Variants in KCNA2 observed in about 807,000 individuals in gnomAD.
The protein encoded by KCNA2 is potassium voltage-gated channel subfamily A member 2, also known as potassium channel, voltage gated shaker related subfamily A, member 2.
A neutral mutation model predicts 33.4 loss-of-function variants in KCNA2; 11 were observed. The ratio of observed to expected loss-of-function variants is 0.33; its 90% confidence interval spans 0.21 to 0.55. KCNA2 has a LOEUF of 0.55. Among genes scored for constraint, KCNA2 ranks in the 20% least tolerant of loss-of-function variants. The pLI is 0.93. For missense variants in KCNA2, 291 were observed against 621.6 expected (o/e 0.47, Z 5.66); for synonymous variants, 222 against 231.3 (o/e 0.96, Z 0.37).
chr1:110,627,796 C>T (rs547381162), intron 1 of KCNA2, among the ~76,000 whole-genome samples: 17 of 151,538 alleles, frequency 1.1e-4, no homozygotes, highest in Non-Finnish European at 2.2e-4. Context: ...CACCACTGCA[C>T]TCCAGCCTGG....
intron 1 of KCNA2, among the ~76,000 whole-genome samples, chr1:110,626,695 G>A (rs1027523358): frequency 6.6e-6 from 1 of 152,146 alleles, no homozygotes. Context: ...ACACAATCAA[G>A]TATAAACTCC....
At chr1:110,625,808 CAAA>C (rs1490158358) in intron 1 of KCNA2, among the ~76,000 whole-genome samples, 2 of 152,160 alleles carry the variant, frequency 1.3e-5, no homozygotes, top group Non-Finnish European at 2.9e-5. Context: ...AGTCCACAGA[CAAA>C]GAAGTGCATG....
chr1:110,612,145 GC>G (rs545722828), intron 1 of KCNA2, among the ~76,000 whole-genome samples: 11 of 152,162 alleles, frequency 7.2e-5, no homozygotes, highest in Non-Finnish European at 1.3e-4. Context: ...TTACCATGAG[GC>G]CCCCTGCTGC....
Position 110,603,746 on chromosome 1 carries a change from A to G in KCNA2, c.1037T>C (p.Val346Ala). ...TCGCTCATCGGCCTCTGCAAAATAC[A>G]CAGCACTAGAGAAAAGGATGACCCC... is the stretch of plus-strand genomic sequence containing the variant. ...FIGVILFSSA[V>A]YFAEADERES... Residue 346 changes from valine to alanine, a missense_variant, in exon 3 of 3, where the codon GTG becomes GCG. By Grantham distance (64) the Val-to-Ala change is moderately conservative (BLOSUM62 0). Around this residue, in one of 5 missense-constraint regions of KCNA2, gnomAD observed 11 missense variants for 16.2 expected, o/e 0.68. Transcript: ENST00000316361. This position sits in a 1 kb window ranked among gnomAD's most constrained non-coding sequence, Gnocchi z 5.7. 1.2e-6 allele frequency: 2 copies of G among 1,613,978 alleles called. No individual in the cohort carries two copies. Among genetic ancestry groups the G allele is most frequent in the Non-Finnish European group, 8.5e-7 (1 of 1,180,002 alleles).
chr1:110,608,971 T>TTC (rs768482491), upstream of KCNA2, among the ~76,000 whole-genome samples: 4 of 152,092 alleles, frequency 2.6e-5, no homozygotes, highest in Non-Finnish European at 4.4e-5. Context: ...TCTGGGGTGT[T>TTC]TCTCTAGGCT....
At chr1:110,614,213 C>T (rs534695688) in intron 1 of KCNA2, among the ~76,000 whole-genome samples, 1 of 152,176 alleles carries the variant, frequency 6.6e-6, no homozygotes. Flanking sequence ...CTCAACTCTT[C>T]CTTATATGCT....
At position 110,599,733 on chromosome 1, in the gene KCNA2, T is replaced by C. The variant is rs569044832; in HGVS notation, c.*3550A>G. 4.1e-6 allele frequency: 4 copies of C among 985,446 alleles called. No individual in the cohort carries two copies. The highest frequency in any genetic ancestry group is 9.4e-5 in the South Asian group (2 of 21,288). 61.0% of individuals were successfully genotyped at this position (985,446 alleles called of 1,614,324 possible). On this transcript the variant is annotated 3_prime_UTR_variant, in exon 3 of 3. Coordinates refer to ENST00000316361, the MANE Select transcript of KCNA2 (RefSeq NM_004974.4). The stretch of plus-strand genomic sequence containing the variant: ...CCTGGGCTCAAGATCCTGCAGTTTC[T>C]TGAGCCATTACTGCTTTTAAGAGAA...
chr1:110,602,239 T>A lies in KCNA2; in HGVS notation c.*1044A>T. On this transcript the variant is annotated 3_prime_UTR_variant, in exon 3 of 3. Transcript: ENST00000316361. Reference sequence around the variant, plus strand: ...TTTAGTTCCATTCCAAATAGTCTATTTTTTTTCCCCTGATGGAGGGATTTT... The same window carrying A: ...TTTAGTTCCATTCCAAATAGTCTATATTTTTTCCCCTGATGGAGGGATTTT... The A allele has an allele frequency of 1.3e-6, 2 of 1,508,290 alleles. No individual in the cohort carries two copies. The highest frequency in any genetic ancestry group is 1.8e-6 in the Non-Finnish European group (2 of 1,132,552). 93.4% of individuals were successfully genotyped at this position (1,508,290 alleles called of 1,614,324 possible). A position where few individuals can be genotyped will look rare whatever the true frequency, so the allele number is the denominator to read the frequency against.
Position 110,597,527 on chromosome 1 carries a change from G to A in KCNA2, c.*5756C>T. 1 of 985,306 alleles carries A rather than the reference G, an allele frequency of 1.0e-6. No homozygotes were observed. Among genetic ancestry groups the A allele is most frequent in the Non-Finnish European group, 1.2e-6 (1 of 829,850 alleles). The allele number at this position is 985,306 out of a possible 1,614,324, so 61.0% of individuals were successfully genotyped here. ...ACATGGAGACAGAGAGGTGCACACA[G>A]GAAGGAGACAAAGTGACAAAGCCCT... On this transcript the variant is annotated 3_prime_UTR_variant, in exon 3 of 3. Transcript: ENST00000316361.
Position 110,593,990 on chromosome 1 carries a change from C to G in KCNA2, c.*9293G>C. ...TCCCAACTCCCATGAGTCTTCCCCG[C>G]AAGTCCTGCTCCGCCTTCAGCTCTC... On this transcript the variant is annotated 3_prime_UTR_variant, in exon 3 of 3. Coordinates refer to ENST00000316361, the MANE Select transcript of KCNA2 (RefSeq NM_004974.4). 1 of 1,547,140 alleles carries G rather than the reference C, an allele frequency of 6.5e-7. No individual in the cohort carries two copies.
upstream of KCNA2, among the ~76,000 whole-genome samples, chr1:110,608,735 T>C (rs1649764482): frequency 6.6e-6 from 1 of 152,198 alleles, no homozygotes; most frequent in Admixed American, 6.5e-5. Flanking sequence ...TTGGGTGTTT[T>C]GGAGGCAGTC....
rs973778219 is a variant in KCNA2 at position 110,594,221 on chromosome 1, T to G, written c.*9062A>C. On this transcript the variant is annotated 3_prime_UTR_variant, in exon 3 of 3. Coordinates refer to ENST00000316361, the MANE Select transcript of KCNA2 (RefSeq NM_004974.4). ...CATGCACAAGCAGCAAGGAAGCCAG[T>G]GCAAACCCTAACTGGAGTCTGTGCT... 46 of 1,125,066 alleles carry G rather than the reference T, an allele frequency of 4.1e-5. No individual in the cohort carries two copies. Among genetic ancestry groups the G allele is most frequent in the Admixed American group, 5.0e-5 (1 of 20,090 alleles). The allele number at this position is 1,125,066 out of a possible 1,614,324, so 69.7% of individuals were successfully genotyped here.
chr1:110,600,709 A>G lies in KCNA2; in HGVS notation c.*2574T>C, dbSNP rs1649302503. The G allele has an allele frequency of 3.0e-6, 3 of 985,274 alleles. No individual in the cohort carries two copies. In the South Asian group the frequency reaches 1.4e-4, roughly 46 times the overall value. 61.0% of individuals were successfully genotyped at this position (985,274 alleles called of 1,614,324 possible). On this transcript the variant is annotated 3_prime_UTR_variant, in exon 3 of 3. Coordinates refer to ENST00000316361, the MANE Select transcript of KCNA2 (RefSeq NM_004974.4). ...TGGGTTGCTTTACCTTCTATTTTCC[A>G]AAGATCTGTGTCCCTCCCACCCCAT...
At chr1:110,625,914 A>G (rs1479796366) in intron 1 of KCNA2, among the ~76,000 whole-genome samples, 2 of 152,174 alleles carry the variant, frequency 1.3e-5, no homozygotes, top group Non-Finnish European at 2.9e-5. Flanking sequence ...TTTTTGACCT[A>G]TTGATTTGGC....
At chr1:110,629,936 G>C (rs149839098) in intron 1 of KCNA2, among the ~76,000 whole-genome samples, 2 of 151,504 alleles carry the variant, frequency 1.3e-5, no homozygotes, top group East Asian at 3.9e-4. Flanking sequence ...GTGGTGGGTA[G>C]GTTTGACTGG....
chr1:110,624,061 G>T (rs1450302622), intron 1 of KCNA2, among the ~76,000 whole-genome samples: 1 of 152,202 alleles, frequency 6.6e-6, no homozygotes, highest in Non-Finnish European at 1.5e-5. Flanking sequence ...ATGTAAAATG[G>T]TGAATCTACT....
intron 1 of KCNA2, among the ~76,000 whole-genome samples, chr1:110,619,106 T>TCCAA (rs1307099935): frequency 2.0e-5 from 3 of 152,166 alleles, no homozygotes; most frequent in African/African-American, 7.2e-5. Flanking sequence ...TGACTTCATT[T>TCCAA]CCAACCACCC....
rs114134336 is a variant in KCNA2 at position 110,614,110 on chromosome 1, C to A, written c.-495-8388G>T. Among the ~76,000 whole-genome samples the A allele has an allele frequency of 9.7e-3, 1,470 of 152,318 alleles. 28 individuals carry two copies. Among genetic ancestry groups the A allele is most frequent in the African/African-American group, 0.033 (1,387 of 41,570 alleles). Reference sequence around the variant, plus strand: ...TAGAGAGCAATTCTTCCTCCCCTCCCCTGCACCTTGCAGAGATCAGCACTT... The same window carrying A: ...TAGAGAGCAATTCTTCCTCCCCTCCACTGCACCTTGCAGAGATCAGCACTT... On this transcript the variant is annotated intron_variant, in intron 1 of 4. Transcript: ENST00000369770.
chr1:110,617,130 C>A (rs1036745011), intron 1 of KCNA2, among the ~76,000 whole-genome samples: 1 of 152,198 alleles, frequency 6.6e-6, no homozygotes, highest in African/African-American at 2.4e-5. Context: ...GGGCTCTCTG[C>A]AACAGCCTAT....
Sources: allele counts gnomAD v4.1 joint callset (sites outside exome capture counted in the v4.1 genomes callset), GRCh38; gene constraint gnomAD v4.1.1; regional missense constraint gnomAD v4.1.1; non-coding constraint Gnocchi (gnomAD v3.1); transcripts MANE v1.5; gene names NCBI Gene and HGNC (gene_info 2026-07-23, HGNC 2026-07-21).